Variants in RBFOX1 observed in about 807,000 individuals in gnomAD.
RBFOX1 encodes the protein RNA binding fox-1 homolog 1.
In RBFOX1, 8 loss-of-function variants were observed where a neutral mutation model predicts 57.7. That is an observed-to-expected ratio of 0.14 (90% CI 0.08 to 0.25). The LOEUF is 0.25. Among genes scored for constraint, RBFOX1 ranks in the 10% least tolerant of loss-of-function variants. The pLI, the probability that RBFOX1 is intolerant of heterozygous loss-of-function variation, is 1.00. For synonymous variants in RBFOX1, 326 were observed against 222.4 expected (o/e 1.47, Z -4.15); for missense variants, 611 against 548.5 (o/e 1.11, Z -1.14).
chr16:6,332,566 TA>T (rs1227914433), intron 2 of RBFOX1, among the ~76,000 whole-genome samples: 1 of 152,212 alleles, frequency 6.6e-6, no homozygotes, highest in Non-Finnish European at 1.5e-5. Context: ...CTTTCCTTCA[TA>T]AAATGTTCAT....
intron 13 of RBFOX1, chr16:7,671,455 C>T (rs573817870): frequency 1.7e-6 from 2 of 1,153,522 alleles, no homozygotes; most frequent in Non-Finnish European, 1.3e-6. Flanking sequence ...AAGAGAGAAG[C>T]AAACTTGTAA....
chr16:7,353,876 A>C (rs530650188), intron 4 of RBFOX1, among the ~76,000 whole-genome samples: 8 of 152,306 alleles, frequency 5.3e-5, no homozygotes, highest in African/African-American at 1.7e-4. Context: ...TTCTGGAATT[A>C]TCTGGAATGT....
intron 3 of RBFOX1, among the ~76,000 whole-genome samples, chr16:5,625,639 C>T (rs985556531): frequency 2.0e-5 from 3 of 151,754 alleles, no homozygotes; most frequent in Admixed American, 1.3e-4. Context: ...CTTACTGCAA[C>T]CTCCGCCTCC....
chr16:5,286,373 C>G (rs1302676910), intron 1 of RBFOX1, among the ~76,000 whole-genome samples: 18 of 152,082 alleles, frequency 1.2e-4, no homozygotes, highest in Admixed American at 9.8e-4. Context: ...TGTGCAGGTT[C>G]TCGTGGTGGG....
At chr16:6,063,464 GACACACACAC>G (rs772720519) in intron 1 of RBFOX1, among the ~76,000 whole-genome samples, 9 of 86,428 alleles carry the variant, frequency 1.0e-4, no homozygotes, top group Non-Finnish European at 1.2e-4. Context: ...CTCTTTCTCC[GACACACACAC>G]ACACACACAC....
At chr16:7,088,649 G>A (rs1195176822) in intron 4 of RBFOX1, among the ~76,000 whole-genome samples, 3 of 151,940 alleles carry the variant, frequency 2.0e-5, no homozygotes, top group Non-Finnish European at 4.4e-5. Context: ...TAGTAATCTA[G>A]CATGAATGGT....
intron 1 of RBFOX1, among the ~76,000 whole-genome samples, chr16:6,237,030 A>G (rs1273384568): frequency 2.0e-4 from 31 of 152,174 alleles, no homozygotes; most frequent in Admixed American, 2.0e-3. Context: ...AATGCAAAAG[A>G]ATGTTTAATG....
chr16:6,703,105 T>G (rs1176598778), intron 3 of RBFOX1, among the ~76,000 whole-genome samples: 2 of 152,370 alleles, frequency 1.3e-5, no homozygotes, highest in East Asian at 3.9e-4. Context: ...TTTTTAAGGC[T>G]GAATAATATT....
intron 4 of RBFOX1, among the ~76,000 whole-genome samples, chr16:7,235,901 C>A (rs1162371507): frequency 6.6e-6 from 1 of 152,034 alleles, no homozygotes. Flanking sequence ...ATCACTGTCT[C>A]CTTGCCCTCC....
chr16:6,883,609 T>C (rs1201790776), intron 3 of RBFOX1, among the ~76,000 whole-genome samples: 1 of 152,234 alleles, frequency 6.6e-6, no homozygotes. Flanking sequence ...CTCAAGCTGT[T>C]CTACTCTGTG....
intron 2 of RBFOX1, chr16:6,483,139 C>T: frequency 9.5e-7 from 1 of 1,057,330 alleles, no homozygotes; most frequent in Admixed American, 5.7e-5. Context: ...CCCCCAGCTG[C>T]AAGAGTTTGC....
intron 4 of RBFOX1, among the ~76,000 whole-genome samples, chr16:7,287,840 T>G (rs1479422170): frequency 6.6e-6 from 1 of 152,210 alleles, no homozygotes; most frequent in Non-Finnish European, 1.5e-5. Flanking sequence ...ATTATGGATT[T>G]GCATATTACC....
At chr16:5,905,563 A>G (rs1237367924) in intron 4 of RBFOX1, among the ~76,000 whole-genome samples, 2 of 152,012 alleles carry the variant, frequency 1.3e-5, no homozygotes, top group Non-Finnish European at 2.9e-5. Context: ...AAATGCAAAA[A>G]CTGGCTGGAT....
At chr16:5,370,229 G>T (rs932742909) in intron 1 of RBFOX1, among the ~76,000 whole-genome samples, 7 of 152,212 alleles carry the variant, frequency 4.6e-5, no homozygotes, top group Non-Finnish European at 8.8e-5. Flanking sequence ...CCCAATGGTG[G>T]GTCAGCTGTG....
chr16:7,148,752 G>C (rs187786994), intron 4 of RBFOX1, among the ~76,000 whole-genome samples: 128 of 152,280 alleles, frequency 8.4e-4, no homozygotes, highest in Admixed American at 1.9e-3. Context: ...ACCCGAAGAG[G>C]CCTGGGAGGC....
At position 6,436,512 on chromosome 16, in the gene RBFOX1, T is replaced by C. The variant is rs77424982; in HGVS notation, c.-64+119455T>C. 0.023 allele frequency among the ~76,000 whole-genome samples: 1,254 copies of C among 54,010 alleles called. 29 individuals carry two copies. The East Asian group carries it at 0.25, about 11-fold the overall frequency. 35.4% of individuals were successfully genotyped at this position (54,010 alleles called of 152,430 possible). On this transcript the variant is annotated intron_variant, in intron 2 of 15. Coordinates refer to ENST00000550418, the MANE Select transcript of RBFOX1 (RefSeq NM_018723.4). ...AGTATCCTGCCTGGTTTTTCTTCACTTTTTTTTTTTTTTTTTTTTGCCTTA... is the reference window on the plus strand; with the variant it reads ...AGTATCCTGCCTGGTTTTTCTTCACCTTTTTTTTTTTTTTTTTTTGCCTTA...
intron 2 of RBFOX1, among the ~76,000 whole-genome samples, chr16:6,540,545 G>T (rs1240953754): frequency 1.4e-5 from 2 of 147,544 alleles, no homozygotes; most frequent in Non-Finnish European, 3.0e-5. Context: ...CTGGGAGGCC[G>T]AGGTTGCAGT....
At chr16:5,912,961 C>G (rs1367171773) in intron 4 of RBFOX1, among the ~76,000 whole-genome samples, 1 of 152,126 alleles carries the variant, frequency 6.6e-6, no homozygotes, top group Non-Finnish European at 1.5e-5. Flanking sequence ...TGGCCAGCTT[C>G]CTAATGTACT....
At chr16:7,167,132 C>T (rs1030991762) in intron 4 of RBFOX1, among the ~76,000 whole-genome samples, 1 of 151,112 alleles carries the variant, frequency 6.6e-6, no homozygotes, top group Admixed American at 6.6e-5. Flanking sequence ...ACTACAGGTG[C>T]CTGTCATCAT....
Sources: gnomAD v4.1 joint callset for allele counts (sites outside exome capture counted in the v4.1 genomes callset) on GRCh38, gnomAD v4.1.1 for gene constraint, MANE v1.5 for transcripts, NCBI Gene and HGNC (gene_info 2026-07-23, HGNC 2026-07-21) for gene names.